Variants in TMEM132C observed in about 807,000 individuals in gnomAD.
The protein encoded by TMEM132C is transmembrane protein 132C.
Under a neutral mutation model 61.4 loss-of-function variants are expected in TMEM132C, and 29 were observed. The ratio of observed to expected loss-of-function variants is 0.47; its 90% CI spans 0.35 to 0.64. TMEM132C has a LOEUF of 0.64. TMEM132C is among the 30% of genes least tolerant of loss of function. TMEM132C has a pLI of 0.00. For missense variants in TMEM132C, 1,408 were observed against 1,476.9 expected (o/e 0.95, Z 0.76); for synonymous variants, 656 against 633.1 (o/e 1.04, Z -0.54).
chr12:128,459,959 G>A (rs977101835), intron 2 of TMEM132C, among the ~76,000 whole-genome samples: 35 of 151,728 alleles, frequency 2.3e-4, no homozygotes, highest in African/African-American at 7.8e-4. Context: ...ACCTCCGAGT[G>A]GTATCCAGCA....
rs1451783336 is a variant in TMEM132C at position 128,665,427 on chromosome 12, A to G, written c.1306-3990A>G. 3.3e-5 allele frequency among the ~76,000 whole-genome samples: 5 copies of G among 151,640 alleles called. No homozygotes were observed. The South Asian group carries it at 8.4e-4, about 25-fold the overall frequency. The stretch of plus-strand genomic sequence containing the variant: ...CACATACACAAATACAGGCACACAC[A>G]GGCACATGTAGCCATACACGTAGGC... On this transcript the variant is annotated intron_variant, in intron 4 of 8. Coordinates refer to ENST00000435159, the MANE Select transcript of TMEM132C (RefSeq NM_001136103.3).
intron 1 of TMEM132C, among the ~76,000 whole-genome samples, chr12:128,377,177 C>T (rs1359055300): frequency 2.0e-5 from 3 of 152,204 alleles, no homozygotes; most frequent in African/African-American, 7.2e-5. Flanking sequence ...GCCTCAGACT[C>T]CCAAGTAGCT....
chr12:128,616,606 T>C (rs4882793), intron 4 of TMEM132C, among the ~76,000 whole-genome samples: 55,088 of 152,060 alleles, frequency 0.36, 10,122 homozygotes, highest in African/African-American at 0.42. Flanking sequence ...GTGATTTCAG[T>C]GTGCAGCCAG....
At position 128,705,978 on chromosome 12, in the gene TMEM132C, G is replaced by A. The variant is rs775094218; in HGVS notation, c.3010G>A (p.Ala1004Thr). ...HTTIIDRGPG[A>T]CEESNHLLLN... ...CACCATCATAGACCGCGGACCGGGG[G>A]CCTGCGAGGAGAGCAACCATCTCCT... Residue 1004 changes from alanine to threonine, a missense_variant, in exon 9 of 9, where the codon GCC (alanine) becomes ACC (threonine). Ala to Thr is a moderately conservative substitution (Grantham distance 58). Coordinates refer to ENST00000435159, the MANE Select transcript of TMEM132C (RefSeq NM_001136103.3). 4.4e-5 allele frequency: 68 copies of A among 1,551,480 alleles called. No homozygotes were observed. The highest frequency in any genetic ancestry group is 3.3e-4 in the Middle Eastern group (2 of 6,014).
At chr12:128,446,694 A>G (rs1037292525) in intron 2 of TMEM132C, among the ~76,000 whole-genome samples, 2 of 152,114 alleles carry the variant, frequency 1.3e-5, no homozygotes, top group African/African-American at 2.4e-5. Flanking sequence ...ATCTCCCATT[A>G]TATCAGGCAT....
At chr12:128,360,172 T>A (rs1873652444) in intron 1 of TMEM132C, among the ~76,000 whole-genome samples, 1 of 151,790 alleles carries the variant, frequency 6.6e-6, no homozygotes. Flanking sequence ...ATCTAATAGG[T>A]CTCATAGTCT....
intron 1 of TMEM132C, among the ~76,000 whole-genome samples, chr12:128,311,806 C>G (rs1326162288): frequency 1.3e-5 from 2 of 152,242 alleles, no homozygotes; most frequent in Non-Finnish European, 1.5e-5. Context: ...CTCTTCCCCA[C>G]GTCCACTGTC....
intron 1 of TMEM132C, among the ~76,000 whole-genome samples, chr12:128,276,845 A>G (rs1870706815): frequency 6.6e-6 from 1 of 151,850 alleles, no homozygotes; most frequent in South Asian, 2.1e-4. Flanking sequence ...ACTTGAAGAA[A>G]ACTGCCTCCT....
chr12:128,461,573 G>T (rs2136070015), intron 2 of TMEM132C, among the ~76,000 whole-genome samples: 1 of 152,242 alleles, frequency 6.6e-6, no homozygotes, highest in East Asian at 1.9e-4. Context: ...TCATGGCCCA[G>T]GACTGCTGTG....
intron 2 of TMEM132C, among the ~76,000 whole-genome samples, chr12:128,471,717 C>A (rs1220556342): frequency 6.6e-6 from 1 of 152,122 alleles, no homozygotes; most frequent in Non-Finnish European, 1.5e-5. Context: ...CTTCTCTGTG[C>A]TTCAGTCTTC....
chr12:128,539,449 T>C (rs1475382353), intron 2 of TMEM132C, among the ~76,000 whole-genome samples: 3 of 152,066 alleles, frequency 2.0e-5, no homozygotes, highest in Non-Finnish European at 4.4e-5. Flanking sequence ...ACCCTGCCTC[T>C]ACTAAAAATA....
At chr12:128,587,925 G>A (rs2135564156) in intron 3 of TMEM132C, among the ~76,000 whole-genome samples, 1 of 152,278 alleles carries the variant, frequency 6.6e-6, no homozygotes, top group South Asian at 2.1e-4. Flanking sequence ...CAAATATGAA[G>A]TTTGGAGACC....
At chr12:128,691,224 G>A (rs1045528010) in intron 5 of TMEM132C, among the ~76,000 whole-genome samples, 7 of 152,248 alleles carry the variant, frequency 4.6e-5, no homozygotes, top group Non-Finnish European at 8.8e-5. Flanking sequence ...TCTCAAAAGA[G>A]TGAATGACCC....
intron 1 of TMEM132C, among the ~76,000 whole-genome samples, chr12:128,362,450 G>C (rs1873735931): frequency 6.6e-6 from 1 of 152,184 alleles, no homozygotes; most frequent in Non-Finnish European, 1.5e-5. Flanking sequence ...TAAAAAGCTA[G>C]CTAGTGGTTG....
At chr12:128,519,057 C>G (rs1038542975) in intron 2 of TMEM132C, among the ~76,000 whole-genome samples, 2 of 152,188 alleles carry the variant, frequency 1.3e-5, no homozygotes, top group East Asian at 3.8e-4. Context: ...ACATGTTATA[C>G]TTAAAGTGAT....
At chr12:128,538,448 C>G (rs972639848) in intron 2 of TMEM132C, among the ~76,000 whole-genome samples, 2 of 152,060 alleles carry the variant, frequency 1.3e-5, no homozygotes, top group Non-Finnish European at 2.9e-5. Context: ...TTTGTAGAGA[C>G]AGCATGTTAT....
intron 1 of TMEM132C, among the ~76,000 whole-genome samples, chr12:128,344,058 G>A (rs1472433491): frequency 1.3e-5 from 2 of 152,286 alleles, no homozygotes; most frequent in South Asian, 4.1e-4. Flanking sequence ...GTTGATAGAC[G>A]TTTGGCTTGT....
chr12:128,517,265 T>TAAATAAAC (rs1168389584), intron 2 of TMEM132C, among the ~76,000 whole-genome samples: 66 of 136,602 alleles, frequency 4.8e-4, no homozygotes, highest in Non-Finnish European at 6.8e-4. Context: ...AATAAATAAA[T>TAAATAAAC]AAACAAACAA....
At chr12:128,421,403 A>G (rs78604248) in intron 2 of TMEM132C, among the ~76,000 whole-genome samples, 9,140 of 152,256 alleles carry the variant, frequency 0.06, 942 homozygotes, top group African/African-American at 0.21. Flanking sequence ...GATCTTTTCT[A>G]TTGGGAAATT....
Sources: gnomAD v4.1 joint callset for allele counts (sites outside exome capture counted in the v4.1 genomes callset) on GRCh38, gnomAD v4.1.1 for gene constraint, MANE v1.5 for transcripts, NCBI Gene and HGNC (gene_info 2026-07-23, HGNC 2026-07-21) for gene names.